The following SNX29 variants were observed in gnomAD, a reference collection of about 807,000 sequenced individuals.
The protein encoded by SNX29 is sorting nexin 29, also known as sorting nexin-29.
In SNX29, 78 loss-of-function variants were observed where a neutral mutation model predicts 102.1. The observed-to-expected ratio is 0.76, with a 90% CI of 0.64 to 0.92. The LOEUF is 0.92. Ranked by LOEUF, SNX29 falls within the 40% of genes least tolerant of loss-of-function variation. The probability of loss-of-function intolerance (pLI) is 0.00; values close to 1 mark genes in which losing one functional copy is unlikely to be tolerated. For missense variants in SNX29, 1,280 were observed against 1,061.7 expected, an observed-to-expected ratio of 1.21 and a Z score of -2.86; for synonymous variants, 580 against 414.5, an observed-to-expected ratio of 1.40 and a Z score of -4.85.
chr16:12,561,825 C>T (rs887980093), intron 20 of SNX29, among the ~76,000 whole-genome samples: 1 of 152,210 alleles, frequency 6.6e-6, no homozygotes, highest in East Asian at 1.9e-4. Context: ...AGCTTACATC[C>T]TTCTCCCTGC....
chr16:12,113,463 G>C (rs530518019), intron 11 of SNX29, among the ~76,000 whole-genome samples: 1 of 152,264 alleles, frequency 6.6e-6, no homozygotes, highest in African/African-American at 2.4e-5. Context: ...GAGTTGGTGA[G>C]ATTCACTCCG....
At chr16:12,502,704 C>T (rs2089184384) in intron 19 of SNX29, among the ~76,000 whole-genome samples, 1 of 152,192 alleles carries the variant, frequency 6.6e-6, no homozygotes, top group African/African-American at 2.4e-5. Context: ...TCTCAGTACC[C>T]TCTACGTGAA....
At chr16:12,296,893 C>G (rs113159055) in intron 15 of SNX29, among the ~76,000 whole-genome samples, 34 of 152,332 alleles carry the variant, frequency 2.2e-4, no homozygotes, top group Non-Finnish European at 3.4e-4. Flanking sequence ...ACACTATTGA[C>G]ATTTTGGACC....
chr16:12,551,402 G>A (rs1338857903), intron 20 of SNX29, among the ~76,000 whole-genome samples: 1 of 152,222 alleles, frequency 6.6e-6, no homozygotes, highest in Admixed American at 6.5e-5. Context: ...TTGCTTTCAA[G>A]TTGGGGTCTC....
chr16:12,389,306 C>T (rs1365800016), intron 16 of SNX29, among the ~76,000 whole-genome samples: 4 of 152,170 alleles, frequency 2.6e-5, no homozygotes, highest in Admixed American at 6.5e-5. Flanking sequence ...TGAATTGTAG[C>T]CCCCACCATT....
intron 14 of SNX29, among the ~76,000 whole-genome samples, chr16:12,270,966 T>C (rs905501427): frequency 1.3e-5 from 2 of 152,048 alleles, no homozygotes; most frequent in African/African-American, 2.4e-5. Context: ...TGGCTTGAAC[T>C]GGGGAGGTGG....
intron 20 of SNX29, among the ~76,000 whole-genome samples, chr16:12,536,695 G>T (rs886667931): frequency 1.3e-5 from 2 of 152,130 alleles, no homozygotes; most frequent in African/African-American, 4.8e-5. Context: ...GGTGTTCAGG[G>T]GGCTGGACGT....
At chr16:12,163,298 G>C (rs754411030) in intron 13 of SNX29, among the ~76,000 whole-genome samples, 1 of 152,166 alleles carries the variant, frequency 6.6e-6, no homozygotes, top group Non-Finnish European at 1.5e-5. Flanking sequence ...CTGGAGCTGC[G>C]TCTGGAAGGC....
In SNX29 at chr16:12,048,370, A is replaced by T; in HGVS notation, c.500-2A>T. 6.2e-7 allele frequency: 1 copy of T among 1,613,756 alleles called. No individual in the cohort carries two copies. The highest frequency in any genetic ancestry group is 8.5e-7 in the Non-Finnish European group (1 of 1,179,784). On this transcript the variant is annotated splice_acceptor_variant, in intron 6 of 20. Coordinates refer to ENST00000566228, the MANE Select transcript of SNX29 (RefSeq NM_032167.5). LOFTEE classifies it high-confidence loss of function. ...TCCAGACTTTTCCCTTTTTTTGGGCAGGTCTGAACTCCATACTCTTTGCGA... is the reference window on the plus strand; with the variant it reads ...TCCAGACTTTTCCCTTTTTTTGGGCTGGTCTGAACTCCATACTCTTTGCGA...
intron 11 of SNX29, among the ~76,000 whole-genome samples, chr16:12,125,269 T>C (rs1388871273): frequency 1.3e-5 from 2 of 152,104 alleles, no homozygotes; most frequent in Non-Finnish European, 2.9e-5. Flanking sequence ...CTTTCTTTCT[T>C]CTCCACCGTT....
At chr16:12,435,777 A>T (rs2085505689) in intron 18 of SNX29, among the ~76,000 whole-genome samples, 1 of 152,170 alleles carries the variant, frequency 6.6e-6, no homozygotes, top group South Asian at 2.1e-4. Flanking sequence ...CAGCAGAGCC[A>T]GCCACTCCAT....
intron 20 of SNX29, among the ~76,000 whole-genome samples, chr16:12,533,351 C>G (rs1345781739): frequency 6.6e-6 from 1 of 152,184 alleles, no homozygotes; most frequent in Non-Finnish European, 1.5e-5. Flanking sequence ...CCTGGGATAG[C>G]TTAGATGCTA....
At chr16:12,394,316 G>A (rs1465035361) in intron 16 of SNX29, among the ~76,000 whole-genome samples, 2 of 152,180 alleles carry the variant, frequency 1.3e-5, no homozygotes, top group East Asian at 1.9e-4. Context: ...TGCGAAGAAC[G>A]GATACTTTGT....
Position 12,572,922 on chromosome 16 carries a change from G to A in SNX29, c.*4293G>A, listed in dbSNP as rs1598144547. 1.3e-5 allele frequency: 12 copies of A among 940,642 alleles called. 1 individual carries two copies. Among genetic ancestry groups the A allele is most frequent in the Middle Eastern group, 4.6e-4 (1 of 2,156 alleles). The allele number at this position is 940,642 out of a possible 1,614,324, so 58.3% of individuals were successfully genotyped here. A position where few individuals can be genotyped will look rare whatever the true frequency, so the allele number is the denominator to read the frequency against. ...CTCGGAATCACGGCAGACTTGGAGT[G>A]TTTCTTCAAGGCAGGCATCTGCTTA... On this transcript the variant is annotated 3_prime_UTR_variant, in exon 21 of 21. Coordinates refer to ENST00000566228, the MANE Select transcript of SNX29 (RefSeq NM_032167.5).
intron 18 of SNX29, among the ~76,000 whole-genome samples, chr16:12,444,987 A>G (rs1157095103): frequency 2.0e-5 from 3 of 151,760 alleles, no homozygotes; most frequent in Non-Finnish European, 2.9e-5. Flanking sequence ...AAGTAGCTGG[A>G]CTATAGACAT....
In SNX29 at chr16:12,570,192, A is replaced by G. The variant is rs1048559517; in HGVS notation, c.*1563A>G. On this transcript the variant is annotated 3_prime_UTR_variant, in exon 21 of 21. Transcript: ENST00000566228. ...CCCCAGAGAAACCGAGTCAGCCTAC[A>G]TGACTTCCAAGGGGACCTGGGGCCA... 9 of 1,064,558 alleles carry G rather than the reference A, an allele frequency of 8.5e-6. No individual in the cohort carries two copies. In the South Asian group the frequency reaches 2.7e-4, roughly 32 times the overall value. The allele number at this position is 1,064,558 out of a possible 1,614,324, so 65.9% of individuals were successfully genotyped here.
Position 12,550,886 on chromosome 16 carries a change from C to T in SNX29, c.2319-17620C>T, listed in dbSNP as rs9929649. Among the ~76,000 whole-genome samples, 546 of 152,168 alleles carry T rather than the reference C, an allele frequency of 3.6e-3. 3 individuals carry two copies. The highest frequency in any genetic ancestry group is 0.012 in the African/African-American group (506 of 41,490). On this transcript the variant is annotated intron_variant, in intron 20 of 20. Transcript: ENST00000566228. ...AGACTTTCTGGGAGGAAACCTGTGA[C>T]GGGAGGGGAAGCTCAGAATTGCTGG... is the stretch of plus-strand genomic sequence containing the variant.
rs115693701 is a variant in SNX29 at position 11,982,922 on chromosome 16, T to G, written c.7+6109T>G. ...TTTGGCAGCTTTTTATTAAAAAAAA[T>G]TTTTTTTAATTAACGAATATTTTTT... On this transcript the variant is annotated intron_variant, in intron 1 of 20. Transcript: ENST00000566228. Among the ~76,000 whole-genome samples, 673 of 152,136 alleles carry G rather than the reference T, an allele frequency of 4.4e-3. 10 individuals carry two copies. Among genetic ancestry groups the G allele is most frequent in the African/African-American group, 0.015 (633 of 41,514 alleles).
intron 4 of SNX29, among the ~76,000 whole-genome samples, chr16:12,042,271 T>G (rs1366496733): frequency 2.6e-5 from 4 of 152,154 alleles, no homozygotes. Flanking sequence ...CCTCAAGTGA[T>G]CCACCACATC....
Sources: gnomAD v4.1 joint callset for allele counts (sites outside exome capture counted in the v4.1 genomes callset) on GRCh38, gnomAD v4.1.1 for gene constraint, MANE v1.5 for transcripts, NCBI Gene and HGNC (gene_info 2026-07-23, HGNC 2026-07-21) for gene names.